Variants in CREBRF observed in about 807,000 individuals in gnomAD.
The protein encoded by CREBRF is UPF0474 protein C5orf41.
Under a neutral mutation model 66.1 loss-of-function variants are expected in CREBRF, and 5 were observed. That is an observed-to-expected ratio of 0.08 (90% CI 0.04 to 0.16). CREBRF has a LOEUF of 0.16. Among genes scored for constraint, CREBRF ranks in the 10% least tolerant of loss-of-function variants. CREBRF has a pLI of 1.00. For synonymous variants in CREBRF, 229 were observed against 264.4 expected, an observed-to-expected ratio of 0.87 and a Z score of 1.30; for missense variants, 531 against 744.9, an observed-to-expected ratio of 0.71 and a Z score of 3.34.
chr5:173,087,149 G>A (rs561385997), intron 3 of CREBRF, among the ~76,000 whole-genome samples: 1 of 152,006 alleles, frequency 6.6e-6, no homozygotes, highest in Non-Finnish European at 1.5e-5. Context: ...GTGTCACCAC[G>A]TTGGCCAGGC....
At chr5:173,059,646 A>G (rs1757207730) in intron 1 of CREBRF, among the ~76,000 whole-genome samples, 1 of 145,168 alleles carries the variant, frequency 6.9e-6, no homozygotes, top group Non-Finnish European at 1.5e-5. Flanking sequence ...TTAACAGAGA[A>G]GTATAGTGAA....
intron 3 of CREBRF, among the ~76,000 whole-genome samples, chr5:173,088,074 C>T (rs533231520): frequency 1.3e-4 from 20 of 151,654 alleles, no homozygotes; most frequent in Admixed American, 4.6e-4. Flanking sequence ...CCACCCACCT[C>T]GGAGTGCTGG....
At chr5:173,128,015 C>T (rs1759313862) in intron 8 of CREBRF, among the ~76,000 whole-genome samples, 1 of 152,114 alleles carries the variant, frequency 6.6e-6, no homozygotes, top group African/African-American at 2.4e-5. Context: ...CCCCCAAAAC[C>T]AGCTCTTAAC....
chr5:173,132,579 TCCCCC>T lies in CREBRF; in HGVS notation c.1805-1050_1805-1046del, dbSNP rs1561585979. On this transcript the variant is annotated intron_variant, in intron 8 of 8. Coordinates refer to ENST00000296953, the MANE Select transcript of CREBRF (RefSeq NM_153607.3). ...CTCCCCCTCCCCCTCCCCCTCCCCC[TCCCCC>T]TCCCCTCCCGTTCCTTTCCTTTTTT... Among the ~76,000 whole-genome samples the T allele has an allele frequency of 6.5e-4, 2 of 3,092 alleles. 1 individual carries two copies. Among genetic ancestry groups the T allele is most frequent in the African/African-American group, 2.6e-3 (2 of 770 alleles). 2.0% of individuals were successfully genotyped at this position (3,092 alleles called of 152,430 possible).
At chr5:173,068,932 C>A (rs1018565000) in intron 1 of CREBRF, among the ~76,000 whole-genome samples, 2 of 151,508 alleles carry the variant, frequency 1.3e-5, no homozygotes, top group East Asian at 3.9e-4. Context: ...ATTAGCTGAG[C>A]GTGGTGGCGT....
In CREBRF at chr5:173,091,250, T is replaced by A. The variant is rs148921549; in HGVS notation, c.1071T>A (p.Asp357Glu). Residue 357 changes from aspartate to glutamate, a missense_variant, in exon 4 of 9, where the codon GAT becomes GAA. By Grantham distance (45) the Asp-to-Glu change is conservative (BLOSUM62 2). Transcript: ENST00000296953. Reference protein sequence around the residue: ...EQPTKCSPEEDEEDEEDVDDE... With the variant: ...EQPTKCSPEEEEEDEEDVDDE... ...CAACTAAATGCAGTCCTGAAGAAGA[T>A]GAGGAGGACGAGGAGGATGTTGATG... The A allele has an allele frequency of 2.5e-6, 4 of 1,613,450 alleles. No homozygotes were observed. Among genetic ancestry groups the A allele is most frequent in the African/African-American group, 1.3e-5 (1 of 74,868 alleles).
intron 4 of CREBRF, among the ~76,000 whole-genome samples, chr5:173,103,032 C>T (rs1758665896): frequency 6.6e-6 from 1 of 152,098 alleles, no homozygotes; most frequent in Non-Finnish European, 1.5e-5. Context: ...TTTTCTCATC[C>T]CTTTGACTCT....
chr5:173,136,350 AC>A lies in CREBRF; in HGVS notation c.*2606del, dbSNP rs1481514507. On this transcript the variant is annotated 3_prime_UTR_variant, in exon 9 of 9. Coordinates refer to ENST00000296953, the MANE Select transcript of CREBRF (RefSeq NM_153607.3). ...AATAGTTGAGCTTTTTAATGTTGAC[AC>A]TTTATTTTGTACCTATTTATATATG... 2 of 152,478 alleles carry A rather than the reference AC, an allele frequency of 1.3e-5. No homozygotes were observed. Among genetic ancestry groups the A allele is most frequent in the African/African-American group, 4.8e-5 (2 of 41,432 alleles). The allele number at this position is 152,478 out of a possible 1,614,324, so 9.4% of individuals were successfully genotyped here.
chr5:173,059,906 C>A (rs1757216664), intron 1 of CREBRF, among the ~76,000 whole-genome samples: 1 of 152,092 alleles, frequency 6.6e-6, no homozygotes, highest in African/African-American at 2.4e-5. Context: ...CTCCATTTAC[C>A]ATCATTCTCT....
intron 1 of CREBRF, among the ~76,000 whole-genome samples, chr5:173,067,769 G>A (rs58066026): frequency 0.093 from 14,171 of 152,038 alleles, 778 homozygotes; most frequent in South Asian, 0.16. Flanking sequence ...AGGCTGAGGC[G>A]GGTGGATCAA....
At chr5:173,116,279 T>C (rs1758988040) in intron 7 of CREBRF, among the ~76,000 whole-genome samples, 1 of 152,120 alleles carries the variant, frequency 6.6e-6, no homozygotes, top group African/African-American at 2.4e-5. Context: ...ATTGAAAGAG[T>C]ATAATTCGAT....
At chr5:173,116,782 T>G (rs1758999711) in intron 7 of CREBRF, among the ~76,000 whole-genome samples, 1 of 152,244 alleles carries the variant, frequency 6.6e-6, no homozygotes, top group African/African-American at 2.4e-5. Flanking sequence ...AGTGTATATT[T>G]ACTTCTATAA....
chr5:173,096,856 A>G (rs1260008671), intron 4 of CREBRF, among the ~76,000 whole-genome samples: 1 of 152,134 alleles, frequency 6.6e-6, no homozygotes, highest in Non-Finnish European at 1.5e-5. Flanking sequence ...ATATCTATTG[A>G]GACGATTATA....
intron 1 of CREBRF, among the ~76,000 whole-genome samples, chr5:173,061,407 G>T (rs1206752124): frequency 6.6e-6 from 1 of 152,180 alleles, no homozygotes; most frequent in Non-Finnish European, 1.5e-5. Context: ...TGGCAACATT[G>T]TATTTTGTAT....
intron 4 of CREBRF, among the ~76,000 whole-genome samples, chr5:173,098,962 G>C (rs448265): frequency 0.75 from 113,677 of 151,100 alleles, 44,146 homozygotes; most frequent in African/African-American, 0.94. Flanking sequence ...TCACTGCAGT[G>C]TCAACTACTT....
In CREBRF at chr5:173,108,748, G is replaced by T. The variant is rs895540974; in HGVS notation, c.1347G>T (p.Met449Ile). Residue 449 changes from methionine to isoleucine, a missense_variant, in exon 5 of 9, where the codon ATG becomes ATT. By Grantham distance (10) the Met-to-Ile change is conservative. Around this residue, in one of 5 missense-constraint regions of CREBRF, gnomAD observed 309 missense variants for 341.4 expected, o/e 0.90. Coordinates refer to ENST00000296953, the MANE Select transcript of CREBRF (RefSeq NM_153607.3). ...TTACACCATCACAGCAAGAGAGGAT[G>T]CTGAGACCATCTGAGTGGAACCGAG... Reference protein sequence around the residue: ...EQLTPSQQERMLRPSEWNRDT... With the variant: ...EQLTPSQQERILRPSEWNRDT... The T allele has an allele frequency of 1.2e-6, 2 of 1,614,110 alleles. No individual in the cohort carries two copies. Among genetic ancestry groups the T allele is most frequent in the Non-Finnish European group, 1.7e-6 (2 of 1,180,006 alleles).
intron 7 of CREBRF, among the ~76,000 whole-genome samples, chr5:173,119,268 G>T (rs1759081250): frequency 6.6e-6 from 1 of 152,206 alleles, no homozygotes; most frequent in Non-Finnish European, 1.5e-5. Context: ...TATTTAGAGA[G>T]AATTACTATC....
intron 7 of CREBRF, among the ~76,000 whole-genome samples, chr5:173,118,441 C>G (rs999493016): frequency 6.6e-6 from 1 of 151,718 alleles, no homozygotes; most frequent in African/African-American, 2.4e-5. Flanking sequence ...CAAATCTTTT[C>G]TTGTATTTTT....
intron 4 of CREBRF, among the ~76,000 whole-genome samples, chr5:173,099,387 C>T (rs1403717535): frequency 1.3e-5 from 2 of 152,134 alleles, no homozygotes; most frequent in Non-Finnish European, 2.9e-5. Context: ...AACTTCTGGG[C>T]TCAAGTGACC....
Sources: gnomAD v4.1 joint callset for allele counts (sites outside exome capture counted in the v4.1 genomes callset) on GRCh38, gnomAD v4.1.1 for gene constraint, gnomAD v4.1.1 regional missense constraint, MANE v1.5 for transcripts, NCBI Gene and HGNC (gene_info 2026-07-23, HGNC 2026-07-21) for gene names.